Variants in JPH1 observed in about 807,000 individuals in gnomAD.
The protein encoded by JPH1 is junctophilin 1.
JPH1 carries 12 observed loss-of-function variants against 53.6 expected under a neutral mutation model. That is an observed-to-expected ratio of 0.22 (90% confidence interval 0.14 to 0.36). The LOEUF is 0.36. Among genes scored for constraint, JPH1 ranks in the 10% least tolerant of loss-of-function variants. JPH1 has a pLI of 1.00. For missense variants in JPH1, 808 were observed against 905.5 expected (o/e 0.89, Z 1.38); for synonymous variants, 375 against 363.8 (o/e 1.03, Z -0.35).
chr8:74,259,536 G>C, intron 2 of JPH1, 33 bp from the exon 3 acceptor site: 1 of 1,427,408 alleles, frequency 7.0e-7, no homozygotes, highest in Non-Finnish European at 9.5e-7. Context: ...AGTCAGCATA[G>C]GTGACCCCTT....
At chr8:74,283,840 GCTC>G (rs919454505) in intron 2 of JPH1, among the ~76,000 whole-genome samples, 25 of 152,268 alleles carry the variant, frequency 1.6e-4, no homozygotes, top group African/African-American at 4.8e-4. Flanking sequence ...CATAAAAAAT[GCTC>G]CTTTTTCTTT....
chr8:74,280,625 C>T (rs563999596), intron 2 of JPH1, among the ~76,000 whole-genome samples: 3 of 152,098 alleles, frequency 2.0e-5, no homozygotes, highest in Non-Finnish European at 4.4e-5. Context: ...GGAAAGACGG[C>T]GACACATTGT....
At position 74,244,573 on chromosome 8, in the gene JPH1, C is replaced by T. The variant is rs1473653612; in HGVS notation, c.1861G>A (p.Ala621Thr). The T allele has an allele frequency of 6.2e-7, 1 of 1,613,238 alleles. No homozygotes were observed. Among genetic ancestry groups the T allele is most frequent in the Admixed American group, 1.7e-5 (1 of 59,830 alleles). ...KSELAIPKNP[A>T]SNDSCPALEK... ...AAAGCAGGGCATGAATCGTTGCTTG[C>T]TGGATTCTTTGGTATAGCAAGTTCA... Residue 621 changes from alanine to threonine, a missense_variant, in exon 4 of 6, where the codon GCA becomes ACA. By Grantham distance (58) the Ala-to-Thr change is moderately conservative. Transcript: ENST00000342232.
chr8:74,287,057 G>A (rs1807183401), intron 2 of JPH1, among the ~76,000 whole-genome samples: 1 of 152,196 alleles, frequency 6.6e-6, no homozygotes, highest in Admixed American at 6.5e-5. Context: ...ACTCTCAAGA[G>A]CTGAAACAGC....
chr8:74,307,978 T>G (rs374054483), intron 2 of JPH1, among the ~76,000 whole-genome samples: 1 of 152,238 alleles, frequency 6.6e-6, no homozygotes, highest in Non-Finnish European at 1.5e-5. Context: ...TAATTACTTA[T>G]GAGTAAAATG....
At chr8:74,239,502 A>C (rs974586526) in intron 4 of JPH1, among the ~76,000 whole-genome samples, 18 of 152,322 alleles carry the variant, frequency 1.2e-4, no homozygotes, top group African/African-American at 3.6e-4. Context: ...TTGTAATTCT[A>C]AATTGATAGG....
At chr8:74,280,515 T>C (rs1372189951) in intron 2 of JPH1, among the ~76,000 whole-genome samples, 2 of 152,140 alleles carry the variant, frequency 1.3e-5, no homozygotes, top group Non-Finnish European at 2.9e-5. Flanking sequence ...TCACCTTTCT[T>C]ATTAGTGATG....
At chr8:74,311,100 AT>A (rs1287752762) in intron 2 of JPH1, among the ~76,000 whole-genome samples, 1 of 152,112 alleles carries the variant, frequency 6.6e-6, no homozygotes, top group Non-Finnish European at 1.5e-5. Context: ...TAATTTTCTC[AT>A]TTTTTGTAGA....
intron 2 of JPH1, among the ~76,000 whole-genome samples, chr8:74,272,547 T>G (rs1376812272): frequency 6.6e-6 from 1 of 151,014 alleles, no homozygotes; most frequent in African/African-American, 2.4e-5. Flanking sequence ...TATGGCAGAG[T>G]GAAATGAAAA....
chr8:74,313,409 A>C (rs547320772), intron 2 of JPH1, among the ~76,000 whole-genome samples: 1 of 152,270 alleles, frequency 6.6e-6, no homozygotes, highest in South Asian at 2.1e-4. Context: ...ATCAACAAAA[A>C]ATAATAGCTT....
chr8:74,244,476 C>T (rs1805788339), intron 4 of JPH1, 53 bp downstream of exon 4: 1 of 1,537,570 alleles, frequency 6.5e-7, no homozygotes, highest in South Asian at 1.3e-5. Flanking sequence ...ACACAGCTCG[C>T]TGAAAGAAAC....
chr8:74,269,575 C>T (rs1806638859), intron 2 of JPH1, among the ~76,000 whole-genome samples: 1 of 152,194 alleles, frequency 6.6e-6, no homozygotes, highest in South Asian at 2.1e-4. Context: ...AGGGTATTTG[C>T]TTTGATTTAT....
Position 74,315,737 on chromosome 8 carries a change from T to A in JPH1, c.380-117A>T. Reference sequence around the variant, plus strand: ...AGGTCAAATCTGACCCATTTCCAAGTCAACCCTGGGGGATACTTTGCATCC... The same window carrying A: ...AGGTCAAATCTGACCCATTTCCAAGACAACCCTGGGGGATACTTTGCATCC... On this transcript the variant is annotated intron_variant, in intron 1 of 5. Coordinates refer to ENST00000342232, the MANE Select transcript of JPH1 (RefSeq NM_020647.4). This position sits in a 1 kb window ranked among gnomAD's most constrained non-coding sequence, Gnocchi z 6.3. 9.8e-7 allele frequency: 1 copy of A among 1,020,758 alleles called. No individual in the cohort carries two copies. Among genetic ancestry groups the A allele is most frequent in the Non-Finnish European group, 1.4e-6 (1 of 735,696 alleles). 63.2% of individuals were successfully genotyped at this position (1,020,758 alleles called of 1,614,324 possible). A position where few individuals can be genotyped will look rare whatever the true frequency, so the allele number is the denominator to read the frequency against.
chr8:74,310,569 C>T (rs574455828), intron 2 of JPH1, among the ~76,000 whole-genome samples: 6 of 152,096 alleles, frequency 3.9e-5, no homozygotes, highest in East Asian at 1.9e-4. Flanking sequence ...CTTGATCTGT[C>T]GGAATTATAC....
intron 3 of JPH1, among the ~76,000 whole-genome samples, chr8:74,248,769 ATGT>A (rs1241042222): frequency 6.6e-6 from 1 of 152,248 alleles, no homozygotes; most frequent in Non-Finnish European, 1.5e-5. Flanking sequence ...TGGAAGGCAC[ATGT>A]TGTGCCTGCT....
chr8:74,269,159 G>A (rs1358276569), intron 2 of JPH1, among the ~76,000 whole-genome samples: 2 of 152,170 alleles, frequency 1.3e-5, no homozygotes, highest in Non-Finnish European at 2.9e-5. Context: ...GTTCTGTCTA[G>A]ATATGCCCAA....
chr8:74,319,231 T>A (rs1313421705), intron 1 of JPH1, among the ~76,000 whole-genome samples: 1 of 152,204 alleles, frequency 6.6e-6, no homozygotes, highest in Non-Finnish European at 1.5e-5. Flanking sequence ...ATAGTATCTT[T>A]AAAAGGAGAC....
intron 2 of JPH1, among the ~76,000 whole-genome samples, chr8:74,261,444 G>A (rs539213645): frequency 5.6e-4 from 85 of 152,090 alleles, no homozygotes; most frequent in Admixed American, 2.7e-3. Flanking sequence ...GATCAACTTC[G>A]AATCATCAAA....
At chr8:74,260,803 G>C (rs968042164) in intron 2 of JPH1, among the ~76,000 whole-genome samples, 21 of 152,168 alleles carry the variant, frequency 1.4e-4, no homozygotes, top group African/African-American at 5.1e-4. Context: ...CTCTTGTCCT[G>C]TGCTCTCACG....
Sources: allele counts gnomAD v4.1 joint callset (sites outside exome capture counted in the v4.1 genomes callset), GRCh38; gene constraint gnomAD v4.1.1; non-coding constraint Gnocchi (gnomAD v3.1); transcripts MANE v1.5; gene names NCBI Gene and HGNC (gene_info 2026-07-23, HGNC 2026-07-21).